Variants in KDM4C observed in about 807,000 individuals in gnomAD.
KDM4C encodes lysine demethylase 4C.
KDM4C carries 81 observed loss-of-function variants against 129.3 expected under a neutral mutation model. The ratio of observed to expected loss-of-function variants is 0.63; its 90% CI spans 0.52 to 0.75. KDM4C has a LOEUF of 0.75. Ranked by LOEUF, KDM4C falls within the 30% of genes least tolerant of loss-of-function variation. The pLI, the probability that KDM4C is intolerant of heterozygous loss-of-function variation, is 0.00. For missense variants in KDM4C, 1,457 were observed against 1,304.0 expected (o/e 1.12, Z -1.81); for synonymous variants, 573 against 456.1 (o/e 1.26, Z -3.26).
At chr9:7,065,020 A>T (rs1337450707) in intron 17 of KDM4C, among the ~76,000 whole-genome samples, 1 of 152,264 alleles carries the variant, frequency 6.6e-6, no homozygotes, top group South Asian at 2.1e-4. Context: ...AAGGAAGTCC[A>T]GTGTTCTAGT....
chr9:6,908,250 A>T (rs1818673568), intron 8 of KDM4C, among the ~76,000 whole-genome samples: 2 of 152,228 alleles, frequency 1.3e-5, no homozygotes, highest in South Asian at 4.1e-4. Context: ...AATACCATCA[A>T]GTTGAAGTGC....
chr9:6,947,544 G>A (rs1224281880), intron 8 of KDM4C, among the ~76,000 whole-genome samples: 1 of 151,680 alleles, frequency 6.6e-6, no homozygotes, highest in African/African-American at 2.4e-5. Context: ...TATAGTCATG[G>A]TCATTTAGAT....
intron 4 of KDM4C, among the ~76,000 whole-genome samples, chr9:6,837,535 A>G (rs938786988): frequency 3.3e-5 from 5 of 152,116 alleles, no homozygotes; most frequent in African/African-American, 9.7e-5. Flanking sequence ...ATATCTTACT[A>G]CTTGATGTCA....
At chr9:6,825,847 A>G (rs759682796) in intron 4 of KDM4C, among the ~76,000 whole-genome samples, 4 of 152,066 alleles carry the variant, frequency 2.6e-5, no homozygotes, top group Non-Finnish European at 5.9e-5. Flanking sequence ...GTCTCACTCC[A>G]TTGCACAGCC....
chr9:7,134,045 G>C (rs755272266), intron 19 of KDM4C, among the ~76,000 whole-genome samples: 3 of 152,182 alleles, frequency 2.0e-5, no homozygotes, highest in Non-Finnish European at 4.4e-5. Context: ...GTGTGCTCCA[G>C]AGGGCTGCCC....
At chr9:6,916,159 G>A (rs1036203336) in intron 8 of KDM4C, among the ~76,000 whole-genome samples, 7 of 152,134 alleles carry the variant, frequency 4.6e-5, no homozygotes, top group African/African-American at 1.7e-4. Flanking sequence ...AGTCACTTCT[G>A]AGTGATTTGA....
At chr9:6,949,625 G>T (rs895483195) in intron 8 of KDM4C, among the ~76,000 whole-genome samples, 8 of 152,210 alleles carry the variant, frequency 5.3e-5, no homozygotes, top group Non-Finnish European at 8.8e-5. Flanking sequence ...GATCACTCGC[G>T]GTTAGGAGCT....
chr9:6,742,022 A>G (rs909148749), intron 1 of KDM4C, among the ~76,000 whole-genome samples: 16 of 148,744 alleles, frequency 1.1e-4, no homozygotes, highest in Non-Finnish European at 8.8e-5. Flanking sequence ...ACCCAGGCTG[A>G]AGTGCAGTGG....
At chr9:6,996,779 CA>C (rs1335545185) in intron 12 of KDM4C, among the ~76,000 whole-genome samples, 1 of 152,178 alleles carries the variant, frequency 6.6e-6, no homozygotes, top group African/African-American at 2.4e-5. Context: ...AAGAAAATTG[CA>C]AGACTGTTAT....
intron 17 of KDM4C, among the ~76,000 whole-genome samples, chr9:7,075,884 C>G (rs1004074777): frequency 2.0e-5 from 3 of 151,698 alleles, no homozygotes; most frequent in Admixed American, 6.6e-5. Context: ...GTGATCCATT[C>G]TGAGGATTTT....
chr9:6,811,886 C>A (rs148952638), intron 3 of KDM4C, among the ~76,000 whole-genome samples: 5 of 152,070 alleles, frequency 3.3e-5, no homozygotes, highest in Admixed American at 2.6e-4. Context: ...GAATCAGTAT[C>A]GGGCAAATTT....
At chr9:6,764,057 C>T (rs753605088) in intron 1 of KDM4C, among the ~76,000 whole-genome samples, 6 of 152,190 alleles carry the variant, frequency 3.9e-5, no homozygotes, top group Non-Finnish European at 8.8e-5. Context: ...CCGCTCCCAG[C>T]CAGAATACAC....
intron 2 of KDM4C, among the ~76,000 whole-genome samples, chr9:6,798,387 C>T (rs1828161091): frequency 1.3e-5 from 2 of 151,904 alleles, no homozygotes; most frequent in African/African-American, 4.8e-5. Flanking sequence ...TCTGGTTTTC[C>T]TAGGCAGAGT....
At chr9:6,956,241 T>G (rs1829046062) in intron 8 of KDM4C, among the ~76,000 whole-genome samples, 1 of 152,180 alleles carries the variant, frequency 6.6e-6, no homozygotes, top group South Asian at 2.1e-4. Context: ...AAAATCTACT[T>G]CAAGAGTGTA....
intron 20 of KDM4C, among the ~76,000 whole-genome samples, chr9:7,167,030 T>TGCTG (rs1844458714): frequency 6.6e-6 from 1 of 152,226 alleles, no homozygotes; most frequent in Non-Finnish European, 1.5e-5. Context: ...AATAAATACC[T>TGCTG]GCTGCACAGT....
intron 19 of KDM4C, among the ~76,000 whole-genome samples, chr9:7,161,211 C>G (rs1289074276): frequency 1.3e-5 from 2 of 152,112 alleles, no homozygotes; most frequent in African/African-American, 2.4e-5. Flanking sequence ...GCAGGCGTGT[C>G]CCATTTTTCC....
intron 5 of KDM4C, among the ~76,000 whole-genome samples, chr9:6,860,000 A>G (rs1479902768): frequency 1.3e-5 from 2 of 152,210 alleles, no homozygotes; most frequent in Non-Finnish European, 2.9e-5. Flanking sequence ...AAGAGTAAAG[A>G]TGAAGGAGTA....
At chr9:6,741,676 C>CT (rs71315557) in intron 1 of KDM4C, among the ~76,000 whole-genome samples, 3,844 of 93,992 alleles carry the variant, frequency 0.041, 107 homozygotes, top group Non-Finnish European at 0.053. Context: ...GGTGGCAGCT[C>CT]TTTTTTTTTT....
chr9:6,732,526 G>T (rs1218409315), intron 1 of KDM4C, among the ~76,000 whole-genome samples: 1 of 151,778 alleles, frequency 6.6e-6, no homozygotes, highest in African/African-American at 2.4e-5. Context: ...GGGATTACGG[G>T]CATGAGCCAC....
Sources: allele counts gnomAD v4.1 joint callset (sites outside exome capture counted in the v4.1 genomes callset), GRCh38; gene constraint gnomAD v4.1.1; transcripts MANE v1.5; gene names NCBI Gene and HGNC (gene_info 2026-07-23, HGNC 2026-07-21).